CENPP: variants seen among roughly 807,000 people sequenced by gnomAD.
The protein encoded by CENPP is centromere protein P.
A neutral mutation model predicts 35.6 loss-of-function variants in CENPP; 24 were observed. That is an observed-to-expected ratio of 0.67 (90% CI 0.49 to 0.95). The LOEUF (loss-of-function observed/expected upper bound fraction) is 0.95. CENPP is among the 40% of genes least tolerant of loss of function. CENPP has a pLI of 0.00. For synonymous variants in CENPP, 120 were observed against 125.5 expected (o/e 0.96, Z 0.29); for missense variants, 332 against 345.3 (o/e 0.96, Z 0.31).
At chr9:92,509,054 G>A (rs1486730919) in intron 5 of CENPP, among the ~76,000 whole-genome samples, 2 of 151,776 alleles carry the variant, frequency 1.3e-5, no homozygotes, top group African/African-American at 2.4e-5. Flanking sequence ...TCTATACAGA[G>A]TCACAATATG....
At chr9:92,424,307 ACT>A (rs1283048759) in intron 5 of CENPP, 1 of 152,168 alleles carries the variant, frequency 6.6e-6, no homozygotes, top group African/African-American at 2.4e-5. Flanking sequence ...ATCCACAGTA[ACT>A]CTGTGTCCAG....
chr9:92,575,709 G>A (rs1850264860), intron 5 of CENPP, among the ~76,000 whole-genome samples: 1 of 152,086 alleles, frequency 6.6e-6, no homozygotes, highest in Non-Finnish European at 1.5e-5. Context: ...CTACTTGTGG[G>A]GTTGAGACAG....
chr9:92,415,488 T>G, intron 5 of CENPP: 1 of 1,493,124 alleles, frequency 6.7e-7, no homozygotes, highest in Non-Finnish European at 9.1e-7. Context: ...CTGAAAGAAA[T>G]AAATTAAAAA....
chr9:92,350,743 A>G (rs764752186), intron 4 of CENPP, among the ~76,000 whole-genome samples: 1 of 152,240 alleles, frequency 6.6e-6, no homozygotes, highest in Non-Finnish European at 1.5e-5. Context: ...CTTTTAACAC[A>G]TAATCTCCAG....
At chr9:92,435,006 C>T (rs889363247) in intron 5 of CENPP, among the ~76,000 whole-genome samples, 6 of 152,220 alleles carry the variant, frequency 3.9e-5, no homozygotes, top group Non-Finnish European at 4.4e-5. Context: ...GAGCCAACAT[C>T]ATGCCACTGC....
At chr9:92,602,075 G>A (rs1850935743) in intron 5 of CENPP, among the ~76,000 whole-genome samples, 1 of 152,218 alleles carries the variant, frequency 6.6e-6, no homozygotes, top group Non-Finnish European at 1.5e-5. Context: ...TGATGCCAGA[G>A]AGTAGGAAGA....
chr9:92,460,289 C>T (rs1240191596), intron 5 of CENPP, among the ~76,000 whole-genome samples: 2 of 152,134 alleles, frequency 1.3e-5, no homozygotes, highest in Admixed American at 1.3e-4. Flanking sequence ...CCGCCTTGGC[C>T]TCCCAAAGTG....
intron 5 of CENPP, among the ~76,000 whole-genome samples, chr9:92,583,028 T>A (rs6479425): frequency 0.2 from 30,036 of 152,152 alleles, 3,497 homozygotes; most frequent in Middle Eastern, 0.33. Context: ...GACAGGCACA[T>A]GGCAAAATGA....
At chr9:92,393,358 C>T (rs1842766249) in intron 5 of CENPP, 3 of 779,900 alleles carry the variant, frequency 3.8e-6, no homozygotes, top group Non-Finnish European at 5.9e-6. Context: ...AGATGTTTTA[C>T]AGAATCATAA....
At chr9:92,572,353 A>C (rs1850165045) in intron 5 of CENPP, among the ~76,000 whole-genome samples, 1 of 152,194 alleles carries the variant, frequency 6.6e-6, no homozygotes. Flanking sequence ...TATGAAGTTT[A>C]GTTTGGCTGG....
At chr9:92,459,724 G>A in intron 5 of CENPP, 2 of 1,613,348 alleles carry the variant, frequency 1.2e-6, no homozygotes, top group Non-Finnish European at 1.7e-6. Context: ...ATGTTAGCAA[G>A]ACTCCCATTT....
At chr9:92,455,221 G>A (rs1472523519) in intron 5 of CENPP, among the ~76,000 whole-genome samples, 1 of 152,104 alleles carries the variant, frequency 6.6e-6, no homozygotes, top group Non-Finnish European at 1.5e-5. Flanking sequence ...AACAAAGTGA[G>A]ACCCTGTCTC....
chr9:92,611,231 C>G (rs1484661359), intron 5 of CENPP, 83 bp from the exon 6 acceptor site: 6 of 1,141,146 alleles, frequency 5.3e-6, no homozygotes, highest in Admixed American at 1.8e-5. Context: ...TCGCCAGACA[C>G]CTGGAACGGT....
intron 5 of CENPP, among the ~76,000 whole-genome samples, chr9:92,453,406 G>A (rs1175908734): frequency 2.0e-5 from 3 of 152,096 alleles, no homozygotes; most frequent in African/African-American, 7.2e-5. Flanking sequence ...GTAGTTGAGC[G>A]GTTTTGAGTG....
intron 4 of CENPP, among the ~76,000 whole-genome samples, chr9:92,355,452 G>T (rs138144009): frequency 5.9e-5 from 9 of 152,080 alleles, no homozygotes; most frequent in African/African-American, 2.2e-4. Context: ...TGCCAAGCTG[G>T]CAGAGCCTCC....
intron 5 of CENPP, among the ~76,000 whole-genome samples, chr9:92,396,183 C>G (rs1171135323): frequency 6.6e-6 from 1 of 152,106 alleles, no homozygotes; most frequent in East Asian, 1.9e-4. Flanking sequence ...TTCATGTTAG[C>G]CTGTTTCTGG....
At chr9:92,406,264 G>T (rs1299018465) in intron 5 of CENPP, among the ~76,000 whole-genome samples, 1 of 152,096 alleles carries the variant, frequency 6.6e-6, no homozygotes, top group Non-Finnish European at 1.5e-5. Flanking sequence ...AGAAGTCAGG[G>T]GGATGGACCA....
At chr9:92,417,541 T>C (rs988924416) in intron 5 of CENPP, 1 of 1,574,772 alleles carries the variant, frequency 6.4e-7, no homozygotes, top group African/African-American at 1.4e-5. Flanking sequence ...TAACATATAT[T>C]GGACTTAAAA....
intron 4 of CENPP, among the ~76,000 whole-genome samples, chr9:92,356,725 A>T (rs1222525967): frequency 6.6e-6 from 1 of 152,272 alleles, no homozygotes; most frequent in Non-Finnish European, 1.5e-5. Context: ...GAACTGATAA[A>T]TGTCCATATT....
Sources: gnomAD v4.1 joint callset for allele counts (sites outside exome capture counted in the v4.1 genomes callset) on GRCh38, gnomAD v4.1.1 for gene constraint, MANE v1.5 for transcripts, NCBI Gene and HGNC (gene_info 2026-07-23, HGNC 2026-07-21) for gene names.